Variants in RPS8 observed in about 807,000 individuals in gnomAD.
RPS8 encodes ribosomal protein S8.
For synonymous variants in RPS8, 100 were observed against 100.7 expected (o/e 0.99, Z 0.04); for missense variants, 141 against 269.7 (o/e 0.52, Z 3.34).
chr1:44,777,771 C>T lies in RPS8; in HGVS notation c.369C>T (p.Arg123=), dbSNP rs747096386. The change falls in exon 4 of 6, where the codon CGC becomes CGT. Residue 123 remains arginine (R), a synonymous_variant. Transcript: ENST00000396651. ...YESHYALPLG[R]KKGAKLTPEE... ...CCCACTATGCGCTGCCCCTGGGCCGCAAGAAGGGAGCCAAGCTGGTGCGTG... is the reference window on the plus strand; with the variant it reads ...CCCACTATGCGCTGCCCCTGGGCCGTAAGAAGGGAGCCAAGCTGGTGCGTG... The T allele has an allele frequency of 5.0e-6, 8 of 1,614,180 alleles. No individual in the cohort carries two copies. In the Admixed American group the frequency reaches 1.3e-4, roughly 27 times the overall value.
At chr1:44,776,355 A>G (rs1650852242) in intron 2 of RPS8, 1 of 678,578 alleles carries the variant, frequency 1.5e-6, no homozygotes, top group Non-Finnish European at 2.6e-6. Flanking sequence ...TTAGGATTTC[A>G]GAGAGAAGGA....
At chr1:44,776,228 G>A (rs964212187) in intron 2 of RPS8, 88 bp downstream of exon 2, 1 of 932,334 alleles carries the variant, frequency 1.1e-6, no homozygotes, top group Non-Finnish European at 1.6e-6. Context: ...ACAGTTGTGC[G>A]TTCTTTCTTG....
At chr1:44,778,194 C>A in intron 5 of RPS8, 65 bp downstream of exon 5, 1 of 1,580,520 alleles carries the variant, frequency 6.3e-7, no homozygotes, top group South Asian at 1.1e-5. Flanking sequence ...GCACTTTTCC[C>A]TTGTCTCAGT....
intron 3 of RPS8, 86 bp downstream of exon 3, chr1:44,776,860 G>A: frequency 1.0e-6 from 1 of 990,586 alleles, no homozygotes; most frequent in East Asian, 2.6e-5. Context: ...GGTGGCTCAC[G>A]CCTATAAGCC....
In RPS8 at chr1:44,777,767, G is replaced by T; in HGVS notation, c.365G>T (p.Gly122Val). 6.2e-7 allele frequency: 1 copy of T among 1,614,192 alleles called. No individual in the cohort carries two copies. The stretch of plus-strand genomic sequence containing the variant: ...GAGTCCCACTATGCGCTGCCCCTGG[G>T]CCGCAAGAAGGGAGCCAAGCTGGTG... ...WYESHYALPL[G>V]RKKGAKLTPE... Residue 122 changes from glycine (G) to valine (V), a missense_variant, in exon 4 of 6, where the codon GGC becomes GTC. By Grantham distance (109) the Gly-to-Val change is moderately radical. Transcript: ENST00000396651.
rs889502433 is a variant in RPS8 at position 44,776,933 on chromosome 1, G to A, written c.211+159G>A. 19 of 560,514 alleles carry A rather than the reference G, an allele frequency of 3.4e-5. No homozygotes were observed. In the African/African-American group the frequency reaches 3.5e-4, roughly 10 times the overall value. The allele number at this position is 560,514 out of a possible 1,614,324, so 34.7% of individuals were successfully genotyped here. A position where few individuals can be genotyped will look rare whatever the true frequency, so the allele number is the denominator to read the frequency against. On this transcript the variant is annotated intron_variant, in intron 3 of 5. Coordinates refer to ENST00000396651, the MANE Select transcript of RPS8 (RefSeq NM_001012.2). ...GGTCAGGAGTTCGAGTCCAGCCTGG[G>A]CAACAGAGCGAGACTCTCAGTAAAA...
At position 44,778,047 on chromosome 1, in the gene RPS8, T is replaced by G. The variant is rs1650920522; in HGVS notation, c.435T>G (p.Ile145Met). The G allele has an allele frequency of 1.2e-6, 2 of 1,613,438 alleles. No individual in the cohort carries two copies. Among genetic ancestry groups the G allele is most frequent in the Non-Finnish European group, 1.7e-6 (2 of 1,179,642 alleles). The change falls in exon 5 of 6, where the codon ATT becomes ATG. Residue 145 changes from isoleucine (I) to methionine (M), a missense_variant. Transcript: ENST00000396651. ...EILNKKRSKK[I>M]QKKYDERKKN... ...TAAACAAAAAACGATCTAAAAAAAT[T>G]CAGAAGAAATATGATGAAAGGAAAA...
At chr1:44,777,099 G>A (rs1159685454) in intron 3 of RPS8, 6 of 243,268 alleles carry the variant, frequency 2.5e-5, no homozygotes. Context: ...TTTTGAGATT[G>A]GGTCTCTGTT....
chr1:44,778,409 G>C (rs1269938445), intron 5 of RPS8, 167 bp from the exon 6 acceptor site: 1 of 810,720 alleles, frequency 1.2e-6, no homozygotes, highest in South Asian at 1.3e-5. Context: ...TGAAAACTTT[G>C]TCCAGTTCTG....
At position 44,777,758 on chromosome 1, in the gene RPS8, T is replaced by C. The variant is rs1239806260; in HGVS notation, c.356T>C (p.Leu119Pro). Residue 119 changes from leucine (L) to proline (P), a missense_variant, in exon 4 of 6, where the codon CTG (leucine) becomes CCG (proline). Transcript: ENST00000396651. ...CAGTGGTACGAGTCCCACTATGCGC[T>C]GCCCCTGGGCCGCAAGAAGGGAGCC... The part of the protein sequence containing the change: ...YRQWYESHYA[L>P]PLGRKKGAKL... 1 of 1,614,186 alleles carries C rather than the reference T, an allele frequency of 6.2e-7. No individual in the cohort carries two copies.
rs983724935 is a variant in RPS8, at chr1:44,778,270, A to C, written c.517+141A>C. 6.7e-6 allele frequency: 7 copies of C among 1,052,102 alleles called. No individual in the cohort carries two copies. The African/African-American group carries it at 7.8e-5, about 12-fold the overall frequency. The allele number at this position is 1,052,102 out of a possible 1,614,324, so 65.2% of individuals were successfully genotyped here. Reference sequence around the variant, plus strand: ...TAACAGGCTGCGAGCACAAAGGGGAACGTTTGGTCACCCTATTCGTATGAA... The same window carrying C: ...TAACAGGCTGCGAGCACAAAGGGGACCGTTTGGTCACCCTATTCGTATGAA... On this transcript the variant is annotated intron_variant, in intron 5 of 5. Transcript: ENST00000396651.
intron 3 of RPS8, 182 bp from the exon 4 acceptor site, chr1:44,777,432 C>T (rs747420237): frequency 3.3e-6 from 2 of 607,252 alleles, no homozygotes; most frequent in Non-Finnish European, 6.0e-6. Context: ...CTGCGGGTTG[C>T]CAAACATAAC....
At position 44,776,219 on chromosome 1, in the gene RPS8, C is replaced by T. The variant is rs78902799; in HGVS notation, c.111+79C>T. ...AGCGTGCTCGGGTCTTTCCGTGTGA[C>T]AGTTGTGCGTTCTTTCTTGGGCTCT... On this transcript the variant is annotated intron_variant, in intron 2 of 5. Transcript: ENST00000396651. 7,825 of 1,019,298 alleles carry T rather than the reference C, an allele frequency of 7.7e-3. 397 individuals are homozygous for T. In the African/African-American group the frequency reaches 0.11, roughly 15 times the overall value. 63.1% of individuals were successfully genotyped at this position (1,019,298 alleles called of 1,614,324 possible).
chr1:44,775,570 G>C lies in RPS8; in HGVS notation c.-27G>C, dbSNP rs1455822221. Reference sequence around the variant, plus strand: ...ACAAACCGAACCGTGAATCTTTGCGGTTTCTCTTTCCAGCCAGCGCCGAGC... The same window carrying C: ...ACAAACCGAACCGTGAATCTTTGCGCTTTCTCTTTCCAGCCAGCGCCGAGC... On this transcript the variant is annotated 5_prime_UTR_variant, in exon 1 of 6. Coordinates refer to ENST00000396651, the MANE Select transcript of RPS8 (RefSeq NM_001012.2). The C allele has an allele frequency of 1.5e-5, 25 of 1,614,014 alleles. No homozygotes were observed. Among genetic ancestry groups the C allele is most frequent in the Middle Eastern group, 1.6e-4 (1 of 6,084 alleles).
chr1:44,776,582 C>A (rs1039820909), intron 2 of RPS8, 93 bp from the exon 3 acceptor site: 5 of 1,031,698 alleles, frequency 4.8e-6, no homozygotes, highest in Non-Finnish European at 7.7e-6. Flanking sequence ...GTCATAGTTA[C>A]ACTGACTGTT....
At position 44,777,723 on chromosome 1, in the gene RPS8, A is replaced by G. The variant is rs995974053; in HGVS notation, c.321A>G (p.Thr107=). The change falls in exon 4 of 6, where the codon ACA becomes ACG. Residue 107 remains threonine, a synonymous_variant. Transcript: ENST00000396651. ...ATTGCATCGTGCTCATCGACAGCACACCGTACCGACAGTGGTACGAGTCCC... is the reference window on the plus strand; with the variant it reads ...ATTGCATCGTGCTCATCGACAGCACGCCGTACCGACAGTGGTACGAGTCCC... ...VKNCIVLIDS[T]PYRQWYESHY... is the part of the protein sequence containing the mutation. The G allele has an allele frequency of 8.7e-6, 14 of 1,613,976 alleles. No homozygotes were observed. Among genetic ancestry groups the G allele is most frequent in the Non-Finnish European group, 1.0e-5 (12 of 1,179,942 alleles).
intron 1 of RPS8, 89 bp from the exon 2 acceptor site, chr1:44,775,945 C>T: frequency 1.6e-6 from 2 of 1,252,636 alleles, no homozygotes; most frequent in Non-Finnish European, 2.4e-6. Context: ...GAGCGTGCGA[C>T]CGGCCCGGCG....
chr1:44,776,968 C>A (rs1036360765), intron 3 of RPS8, 194 bp downstream of exon 3: 3 of 517,988 alleles, frequency 5.8e-6, no homozygotes, highest in South Asian at 2.6e-5. Context: ...AAAAAAGATT[C>A]AAGTGCTTTT....
chr1:44,777,100 G>A (rs1219327246), intron 3 of RPS8: 1 of 241,896 alleles, frequency 4.1e-6, no homozygotes, highest in Non-Finnish European at 8.1e-6. Flanking sequence ...TTTGAGATTG[G>A]GTCTCTGTTG....
Sources: gnomAD v4.1 joint callset for allele counts on GRCh38, gnomAD v4.1.1 for gene constraint, MANE v1.5 for transcripts, NCBI Gene and HGNC (gene_info 2026-07-23, HGNC 2026-07-21) for gene names.